Variants in SNX13 observed in about 807,000 individuals in gnomAD.
SNX13 encodes the protein sorting nexin 13, also known as sorting nexin-13.
Under a neutral mutation model 133.6 loss-of-function variants are expected in SNX13, and 45 were observed. The observed-to-expected ratio is 0.34, with a 90% CI of 0.27 to 0.43. The LOEUF (loss-of-function observed/expected upper bound fraction) is 0.43, where lower values mean the gene tolerates loss of function less well. Among genes scored for constraint, SNX13 ranks in the 20% least tolerant of loss-of-function variants. SNX13 has a pLI of 1.00. For missense variants in SNX13, 1,032 were observed against 1,145.1 expected, an observed-to-expected ratio of 0.90 and a Z score of 1.43; for synonymous variants, 414 against 373.9, an observed-to-expected ratio of 1.11 and a Z score of -1.24.
intron 22 of SNX13, among the ~76,000 whole-genome samples, chr7:17,801,011 TATATATATATA>T (rs1562651909): frequency 0.046 from 613 of 13,260 alleles, 23 homozygotes; most frequent in Middle Eastern, 0.083. Context: ...AAACTGAACA[TATATATATATA>T]TATATATATA....
At chr7:17,937,386 C>T (rs1477437441) in intron 1 of SNX13, among the ~76,000 whole-genome samples, 5 of 151,774 alleles carry the variant, frequency 3.3e-5, no homozygotes, top group Admixed American at 6.6e-5. Context: ...CAGTGGCTCA[C>T]GCCTGTAATC....
At chr7:17,923,471 C>G (rs572004816) in intron 1 of SNX13, among the ~76,000 whole-genome samples, 1 of 152,120 alleles carries the variant, frequency 6.6e-6, no homozygotes, top group Non-Finnish European at 1.5e-5. Flanking sequence ...TAAGAGGCAG[C>G]TGGACCAAAA....
At chr7:17,913,112 T>C (rs1217512234) in intron 1 of SNX13, among the ~76,000 whole-genome samples, 1 of 152,160 alleles carries the variant, frequency 6.6e-6, no homozygotes, top group African/African-American at 2.4e-5. Flanking sequence ...TCCACTCCCA[T>C]GGAGATCTAA....
intron 1 of SNX13, among the ~76,000 whole-genome samples, chr7:17,913,754 C>CAAAAAAAAAAAAAAAAAAAAAAAAA (rs1158895502): frequency 1.1e-5 from 1 of 87,274 alleles, no homozygotes; most frequent in African/African-American, 4.0e-5. Context: ...AGCAAATTAA[C>CAAAAAAAAAAAAAAAAAAAAAAAAA]AAAAACAAAA....
intron 1 of SNX13, among the ~76,000 whole-genome samples, chr7:17,935,887 C>T (rs1426296876): frequency 6.6e-6 from 1 of 152,080 alleles, no homozygotes; most frequent in Non-Finnish European, 1.5e-5. Flanking sequence ...GATTAATGTG[C>T]CCCAAGAGTA....
chr7:17,928,083 A>C (rs1174486352), intron 1 of SNX13, among the ~76,000 whole-genome samples: 1 of 152,242 alleles, frequency 6.6e-6, no homozygotes, highest in Non-Finnish European at 1.5e-5. Flanking sequence ...AGGGGAAATC[A>C]AAGCAACACA....
intron 9 of SNX13, among the ~76,000 whole-genome samples, chr7:17,864,033 T>C (rs1291927851): frequency 3.9e-5 from 6 of 152,210 alleles, no homozygotes; most frequent in African/African-American, 1.4e-4. Flanking sequence ...CAATCCCTTT[T>C]GACTTCATGA....
chr7:17,908,595 A>C (rs1484809607), intron 1 of SNX13, among the ~76,000 whole-genome samples: 1 of 152,204 alleles, frequency 6.6e-6, no homozygotes, highest in Non-Finnish European at 1.5e-5. Context: ...ACAATTCTAC[A>C]ATAGTTATTT....
rs553131251 is a variant in SNX13 at position 17,904,473 on chromosome 7, T to C, written c.13-7027A>G. Among the ~76,000 whole-genome samples, 5 of 151,722 alleles carry C rather than the reference T, an allele frequency of 3.3e-5. No homozygotes were observed. In the South Asian group the frequency reaches 1.0e-3, roughly 32 times the overall value. On this transcript the variant is annotated intron_variant, in intron 1 of 25. Coordinates refer to ENST00000428135, the MANE Select transcript of SNX13 (RefSeq NM_015132.5). ...TAATTCAGCTAATTCAGGTGTAGAT[T>C]ATCCTGGTTCATGTGGAGAGTGGGG...
intron 9 of SNX13, among the ~76,000 whole-genome samples, chr7:17,851,420 G>A (rs1791198018): frequency 6.6e-6 from 1 of 152,244 alleles, no homozygotes; most frequent in East Asian, 1.9e-4. Flanking sequence ...TATAAAAATA[G>A]AATAAAGGCA....
chr7:17,934,914 T>C (rs1237191256), intron 1 of SNX13, among the ~76,000 whole-genome samples: 4 of 152,224 alleles, frequency 2.6e-5, no homozygotes, highest in Non-Finnish European at 5.9e-5. Flanking sequence ...AAGGGAATTC[T>C]TGTACACTGT....
At chr7:17,826,597 GAC>G (rs1242889223) in intron 16 of SNX13, among the ~76,000 whole-genome samples, 1 of 151,988 alleles carries the variant, frequency 6.6e-6, no homozygotes, top group Non-Finnish European at 1.5e-5. Flanking sequence ...AGACATGTAA[GAC>G]ATTTAGAAAA....
chr7:17,934,057 T>G lies in SNX13; in HGVS notation c.12+6227A>C, dbSNP rs551067219. On this transcript the variant is annotated intron_variant, in intron 1 of 25. Transcript: ENST00000428135. ...TAACATACAGGTTTGTGTGTTGCCA[T>G]ATGTATAATTTGTTGATAGACACAG... is the stretch of plus-strand genomic sequence containing the variant. Among the ~76,000 whole-genome samples, 33 of 152,320 alleles carry G rather than the reference T, an allele frequency of 2.2e-4. No homozygotes were observed. The South Asian group carries it at 6.4e-3, about 30-fold the overall frequency.
At position 17,893,274 on chromosome 7, in the gene SNX13, T is replaced by C. The variant is rs372810594; in HGVS notation, c.228+58A>G. 17 of 1,149,446 alleles carry C rather than the reference T, an allele frequency of 1.5e-5. No homozygotes were observed. In the South Asian group the frequency reaches 1.5e-4, roughly 10 times the overall value. The allele number at this position is 1,149,446 out of a possible 1,614,324, so 71.2% of individuals were successfully genotyped here. A position where few individuals can be genotyped will look rare whatever the true frequency, so the allele number is the denominator to read the frequency against. On this transcript the variant is annotated intron_variant, in intron 3 of 25. Transcript: ENST00000428135. The stretch of plus-strand genomic sequence containing the variant: ...TCACGCTATATATACAGATGATTAC[T>C]CTATTATCATTGCAAAGAACTGGAC...
intron 1 of SNX13, among the ~76,000 whole-genome samples, chr7:17,901,551 G>A (rs961834986): frequency 1.3e-5 from 2 of 152,118 alleles, no homozygotes; most frequent in Admixed American, 6.6e-5. Context: ...CTCTGGCTGG[G>A]TTCTGCCCAG....
In SNX13 at chr7:17,805,255, G is replaced by GTGCGCGCGCGCGCA. The variant is rs772458913; in HGVS notation, c.2065-1676_2065-1675insTGCGCGCGCGCGCA. On this transcript the variant is annotated intron_variant, in intron 20 of 25. Coordinates refer to ENST00000428135, the MANE Select transcript of SNX13 (RefSeq NM_015132.5). The stretch of plus-strand genomic sequence containing the variant: ...TGTGTGTGTGTGTGTGTGTGTGCGT[G>GTGCGCGCGCGCGCA]CGCGCGCGCGCATGCATGCACATGT... 4.6e-5 allele frequency among the ~76,000 whole-genome samples: 4 copies of GTGCGCGCGCGCGCA among 86,824 alleles called. No individual in the cohort carries two copies. The South Asian group carries it at 8.8e-4, about 19-fold the overall frequency. 57.0% of individuals were successfully genotyped at this position (86,824 alleles called of 152,430 possible). A position where few individuals can be genotyped will look rare whatever the true frequency, so the allele number is the denominator to read the frequency against.
Position 17,875,594 on chromosome 7 carries a change from A to C in SNX13, c.563-13T>G. 2 of 1,609,580 alleles carry C rather than the reference A, an allele frequency of 1.2e-6. No homozygotes were observed. The highest frequency in any genetic ancestry group is 1.7e-6 in the Non-Finnish European group (2 of 1,178,818). On this transcript the variant is annotated splice_polypyrimidine_tract_variant and intron_variant, in intron 6 of 25. Coordinates refer to ENST00000428135, the MANE Select transcript of SNX13 (RefSeq NM_015132.5). ...TCTTCTGCTGTACCTAAAGAAAAAC[A>C]ATTCAAGATATATAAAATGATGAAA...
intron 12 of SNX13, 59 bp from the exon 13 acceptor site, chr7:17,840,059 G>A (rs1789693491): frequency 3.5e-6 from 5 of 1,410,042 alleles, no homozygotes; most frequent in African/African-American, 1.5e-5. Context: ...TGGGGTCCAT[G>A]TAGTTTTATG....
chr7:17,806,329 C>A (rs1290122673), intron 20 of SNX13, among the ~76,000 whole-genome samples: 2 of 152,074 alleles, frequency 1.3e-5, no homozygotes, highest in South Asian at 2.1e-4. Context: ...CATTGTGTGA[C>A]CAAATTAATG....
Sources: allele counts gnomAD v4.1 joint callset (sites outside exome capture counted in the v4.1 genomes callset), GRCh38; gene constraint gnomAD v4.1.1; transcripts MANE v1.5; gene names NCBI Gene and HGNC (gene_info 2026-07-23, HGNC 2026-07-21).